Variants in CDH13 observed in about 807,000 individuals in gnomAD.
CDH13 encodes cadherin-13.
In CDH13, 24 loss-of-function variants were observed where a neutral mutation model predicts 63.8. That is an observed-to-expected ratio of 0.38 (90% CI 0.27 to 0.53). CDH13 has a LOEUF of 0.53. Among genes scored for constraint, CDH13 ranks in the 20% least tolerant of loss-of-function variants. The pLI, the probability that CDH13 is intolerant of heterozygous loss-of-function variation, is 0.85. For synonymous variants in CDH13, 503 were observed against 355.3 expected, an observed-to-expected ratio of 1.42 and a Z score of -4.67; for missense variants, 1,049 against 903.1, an observed-to-expected ratio of 1.16 and a Z score of -2.07.
At chr16:83,290,424 G>C (rs527377986) in intron 5 of CDH13, among the ~76,000 whole-genome samples, 1 of 152,230 alleles carries the variant, frequency 6.6e-6, no homozygotes, top group East Asian at 1.9e-4. Context: ...TAGTGAAGAA[G>C]TCTCACGAGA....
intron 1 of CDH13, among the ~76,000 whole-genome samples, chr16:82,769,188 A>T (rs1337329766): frequency 6.6e-6 from 1 of 152,204 alleles, no homozygotes; most frequent in Non-Finnish European, 1.5e-5. Flanking sequence ...TTAACCCAAC[A>T]CCATGTAATA....
chr16:82,837,258 A>T (rs2038805815), intron 1 of CDH13, among the ~76,000 whole-genome samples: 1 of 152,180 alleles, frequency 6.6e-6, no homozygotes, highest in Non-Finnish European at 1.5e-5. Context: ...TCTGTAAAAT[A>T]GTGGTGGTGA....
intron 4 of CDH13, among the ~76,000 whole-genome samples, chr16:83,161,613 T>G (rs1036999582): frequency 5.3e-5 from 8 of 152,154 alleles, no homozygotes; most frequent in Non-Finnish European, 1.0e-4. Context: ...AGCATTTGTC[T>G]TGACAAACCA....
chr16:82,938,500 A>G (rs1384511688), intron 2 of CDH13, among the ~76,000 whole-genome samples: 1 of 152,202 alleles, frequency 6.6e-6, no homozygotes, highest in Non-Finnish European at 1.5e-5. Context: ...AGTCTGTGGT[A>G]TTAGAAACAT....
chr16:83,682,618 G>A (rs146124503), intron 10 of CDH13, among the ~76,000 whole-genome samples: 6 of 152,040 alleles, frequency 3.9e-5, no homozygotes, highest in Admixed American at 2.6e-4. Flanking sequence ...CCGAGAACAC[G>A]GTCACTTCCT....
At chr16:82,898,192 C>G (rs936629162) in intron 2 of CDH13, among the ~76,000 whole-genome samples, 1 of 152,124 alleles carries the variant, frequency 6.6e-6, no homozygotes, top group Non-Finnish European at 1.5e-5. Context: ...TAATTCCACC[C>G]ATTTCTTTTT....
At chr16:83,789,337 C>CTTTTTTTTTT (rs148503283) in intron 13 of CDH13, among the ~76,000 whole-genome samples, 9 of 132,306 alleles carry the variant, frequency 6.8e-5, no homozygotes, top group Admixed American at 1.6e-4. Flanking sequence ...TAGTAGCTTT[C>CTTTTTTTTTT]TTTTTTTTTG....
chr16:83,789,074 A>G (rs973177105), intron 13 of CDH13, among the ~76,000 whole-genome samples: 1 of 152,228 alleles, frequency 6.6e-6, no homozygotes, highest in Non-Finnish European at 1.5e-5. Flanking sequence ...TTTATTATAT[A>G]CCTAGTCCAA....
chr16:83,580,292 C>T (rs1237554649), intron 7 of CDH13, among the ~76,000 whole-genome samples: 2 of 151,996 alleles, frequency 1.3e-5, no homozygotes, highest in Non-Finnish European at 2.9e-5. Context: ...GCCTGACTTA[C>T]AGGAGAGGTA....
intron 7 of CDH13, 78 bp downstream of exon 7, chr16:83,486,733 G>C (rs1053157999): frequency 7.2e-7 from 1 of 1,385,838 alleles, no homozygotes; most frequent in Admixed American, 1.8e-5. Flanking sequence ...TGGGGCTCCA[G>C]TCAGTGGTTT....
intron 4 of CDH13, among the ~76,000 whole-genome samples, chr16:83,210,609 C>A (rs1368807373): frequency 6.6e-6 from 1 of 151,980 alleles, no homozygotes; most frequent in African/African-American, 2.4e-5. Context: ...TACTTGAGAT[C>A]TGGGTTAAGG....
At chr16:83,283,608 C>T (rs924234445) in intron 5 of CDH13, among the ~76,000 whole-genome samples, 1 of 152,100 alleles carries the variant, frequency 6.6e-6, no homozygotes, top group African/African-American at 2.4e-5. Flanking sequence ...AAAATTTCCA[C>T]AGGAGATTGT....
intron 1 of CDH13, among the ~76,000 whole-genome samples, chr16:82,786,443 T>G (rs1267712697): frequency 4.6e-5 from 7 of 151,086 alleles, no homozygotes; most frequent in South Asian, 2.1e-4. Context: ...CAGTTTTTTT[T>G]TTTTTTTTTT....
At chr16:83,224,958 G>C (rs1294032133) in intron 5 of CDH13, among the ~76,000 whole-genome samples, 2 of 152,222 alleles carry the variant, frequency 1.3e-5, no homozygotes. Flanking sequence ...CAGGTAAACA[G>C]TTGAATGTCA....
chr16:82,841,066 A>G (rs1037986449), intron 1 of CDH13, among the ~76,000 whole-genome samples: 2 of 152,228 alleles, frequency 1.3e-5, no homozygotes, highest in Non-Finnish European at 2.9e-5. Flanking sequence ...CTTGCTGGGG[A>G]CACATGGGAT....
intron 1 of CDH13, among the ~76,000 whole-genome samples, chr16:82,740,136 A>C (rs749014710): frequency 2.0e-5 from 3 of 151,992 alleles, no homozygotes; most frequent in Non-Finnish European, 4.4e-5. Context: ...AGGAGGCAAC[A>C]AAGATGTAAA....
At chr16:82,835,736 G>A (rs2038740495) in intron 1 of CDH13, among the ~76,000 whole-genome samples, 1 of 152,172 alleles carries the variant, frequency 6.6e-6, no homozygotes, top group Admixed American at 6.5e-5. Flanking sequence ...CTCAACTCAT[G>A]CACAGGAGGA....
chr16:83,463,991 G>A (rs1046734249), intron 6 of CDH13, among the ~76,000 whole-genome samples: 4 of 152,182 alleles, frequency 2.6e-5, no homozygotes, highest in African/African-American at 7.2e-5. Context: ...GAAGGGGGTC[G>A]TCTGGAGTGG....
intron 4 of CDH13, among the ~76,000 whole-genome samples, chr16:83,146,394 G>T (rs1029620176): frequency 2.0e-5 from 3 of 152,160 alleles, no homozygotes; most frequent in Non-Finnish European, 4.4e-5. Flanking sequence ...CCTAAAAGTA[G>T]GCAAAAGTTT....
Sources: gnomAD v4.1 joint callset for allele counts (sites outside exome capture counted in the v4.1 genomes callset) on GRCh38, gnomAD v4.1.1 for gene constraint, MANE v1.5 for transcripts, NCBI Gene and HGNC (gene_info 2026-07-23, HGNC 2026-07-21) for gene names.